The following KCNQ5 variants were observed in gnomAD, a reference collection of about 807,000 sequenced individuals.
KCNQ5 encodes the protein potassium voltage-gated channel subfamily Q member 5.
In KCNQ5, 30 loss-of-function variants were observed where a neutral mutation model predicts 98.2. The observed-to-expected ratio is 0.31, with a 90% CI of 0.23 to 0.41. The LOEUF is 0.41. Ranked by LOEUF, KCNQ5 falls within the 10% of genes least tolerant of loss-of-function variation. The probability of loss-of-function intolerance (pLI) is 1.00; values close to 1 mark genes in which losing one functional copy is unlikely to be tolerated. For synonymous variants in KCNQ5, 458 were observed against 449.4 expected (o/e 1.02, Z -0.24); for missense variants, 835 against 1,182.5 (o/e 0.71, Z 4.31).
intron 3 of KCNQ5, among the ~76,000 whole-genome samples, chr6:73,063,760 TAG>T (rs1202665617): frequency 7.4e-6 from 1 of 134,300 alleles, no homozygotes; most frequent in Non-Finnish European, 1.6e-5. Context: ...GATAGATAGA[TAG>T]ATATAATAGA....
chr6:72,666,899 C>T (rs1291248906), intron 1 of KCNQ5, among the ~76,000 whole-genome samples: 1 of 152,108 alleles, frequency 6.6e-6, no homozygotes, highest in East Asian at 1.9e-4. Context: ...TTATGGTTTC[C>T]ATCTTTTACA....
intron 7 of KCNQ5, among the ~76,000 whole-genome samples, chr6:73,112,380 T>C (rs1457611073): frequency 3.3e-5 from 5 of 151,568 alleles, no homozygotes; most frequent in Non-Finnish European, 5.9e-5. Context: ...GAGTCCCGCT[T>C]TGTCGCCCAG....
chr6:72,836,968 C>T (rs1776532038), intron 1 of KCNQ5, among the ~76,000 whole-genome samples: 1 of 152,074 alleles, frequency 6.6e-6, no homozygotes, highest in African/African-American at 2.4e-5. Context: ...CTCTTTTTAA[C>T]TTAATATATT....
chr6:72,622,625 G>T lies in KCNQ5; in HGVS notation c.398+38G>T. ...GCCCCCTGCTATGCCCGCTGCAGGG[G>T]ACCACTGTCCCTGGCCCCCTGGGGC... On this transcript the variant is annotated intron_variant, in intron 1 of 13. Transcript: ENST00000370398. This position sits in a 1 kb window ranked among gnomAD's most constrained non-coding sequence, Gnocchi z 6.0. 1 of 1,607,738 alleles carries T rather than the reference G, an allele frequency of 6.2e-7. No individual in the cohort carries two copies. The highest frequency in any genetic ancestry group is 2.2e-5 in the East Asian group (1 of 44,500).
chr6:72,853,661 G>A (rs1053685348), intron 1 of KCNQ5, among the ~76,000 whole-genome samples: 1 of 152,186 alleles, frequency 6.6e-6, no homozygotes, highest in African/African-American at 2.4e-5. Context: ...CCTGGCTGAT[G>A]TGCAGCCATG....
intron 10 of KCNQ5, among the ~76,000 whole-genome samples, chr6:73,152,125 A>G (rs1296426919): frequency 6.6e-6 from 1 of 151,986 alleles, no homozygotes; most frequent in African/African-American, 2.4e-5. Flanking sequence ...TACATTCCTG[A>G]GAAGAGTGTC....
chr6:72,699,338 A>G (rs1768678718), intron 1 of KCNQ5, among the ~76,000 whole-genome samples: 1 of 152,228 alleles, frequency 6.6e-6, no homozygotes, highest in Admixed American at 6.5e-5. Context: ...AACAGTGACT[A>G]AAGATGAGAT....
intron 11 of KCNQ5, among the ~76,000 whole-genome samples, chr6:73,174,437 C>T (rs1778137733): frequency 6.6e-6 from 1 of 152,184 alleles, no homozygotes; most frequent in Non-Finnish European, 1.5e-5. Context: ...CTTGCTCTTA[C>T]CGTCTCTTAC....
At chr6:73,087,097 A>T (rs1395092493) in intron 5 of KCNQ5, among the ~76,000 whole-genome samples, 1 of 152,178 alleles carries the variant, frequency 6.6e-6, no homozygotes, top group Non-Finnish European at 1.5e-5. Flanking sequence ...CCATTGAAGG[A>T]TTTTTTAGAT....
intron 1 of KCNQ5, among the ~76,000 whole-genome samples, chr6:72,656,183 C>T (rs1047246727): frequency 6.6e-6 from 1 of 152,168 alleles, no homozygotes; most frequent in African/African-American, 2.4e-5. Flanking sequence ...TTCTACTCTA[C>T]TTGTCCTGGA....
intron 2 of KCNQ5, among the ~76,000 whole-genome samples, chr6:73,026,837 A>G (rs1185271319): frequency 6.6e-6 from 1 of 151,326 alleles, no homozygotes; most frequent in Non-Finnish European, 1.5e-5. Flanking sequence ...TGGATTTTTC[A>G]TTCCAATTTT....
chr6:73,143,749 T>C (rs1776810846), intron 10 of KCNQ5, among the ~76,000 whole-genome samples: 1 of 152,164 alleles, frequency 6.6e-6, no homozygotes, highest in South Asian at 2.1e-4. Flanking sequence ...GAACTTACTG[T>C]TTGTCTGTAA....
chr6:73,051,217 G>A (rs1209490284), intron 3 of KCNQ5, among the ~76,000 whole-genome samples: 1 of 152,110 alleles, frequency 6.6e-6, no homozygotes, highest in Non-Finnish European at 1.5e-5. Flanking sequence ...ACTGCTGCCA[G>A]TGTGAACATA....
At chr6:72,917,092 A>G (rs570063688) in intron 1 of KCNQ5, among the ~76,000 whole-genome samples, 1 of 152,332 alleles carries the variant, frequency 6.6e-6, no homozygotes, top group Admixed American at 6.5e-5. Context: ...AAGAGAGGCC[A>G]GGGAACTGGA....
chr6:72,940,497 C>T (rs186558688), intron 1 of KCNQ5, among the ~76,000 whole-genome samples: 10 of 152,220 alleles, frequency 6.6e-5, no homozygotes, highest in South Asian at 2.1e-4. Context: ...ACTGGTGATG[C>T]GATCACTGGG....
intron 7 of KCNQ5, among the ~76,000 whole-genome samples, chr6:73,119,412 G>A (rs1582392305): frequency 6.6e-6 from 1 of 152,108 alleles, no homozygotes; most frequent in East Asian, 1.9e-4. Context: ...TTGATGGTGA[G>A]GATCACATAA....
intron 1 of KCNQ5, among the ~76,000 whole-genome samples, chr6:72,763,379 C>G (rs778251749): frequency 3.9e-5 from 6 of 151,938 alleles, no homozygotes; most frequent in African/African-American, 4.8e-5. Context: ...GTTCAAGAAC[C>G]TATTTTTCGT....
chr6:73,164,375 C>CA (rs944339302), intron 10 of KCNQ5, among the ~76,000 whole-genome samples: 4 of 151,704 alleles, frequency 2.6e-5, no homozygotes, highest in Admixed American at 6.6e-5. Flanking sequence ...TACACCTACC[C>CA]AAAAAAAAGC....
At chr6:73,189,451 A>C (rs926721683) in intron 11 of KCNQ5, among the ~76,000 whole-genome samples, 2 of 152,212 alleles carry the variant, frequency 1.3e-5, no homozygotes, top group African/African-American at 4.8e-5. Flanking sequence ...ATTCCTTGAA[A>C]TCAGCTGTCA....
Sources: gnomAD v4.1 joint callset for allele counts (sites outside exome capture counted in the v4.1 genomes callset) on GRCh38, gnomAD v4.1.1 for gene constraint, Gnocchi (gnomAD v3.1) non-coding constraint, MANE v1.5 for transcripts, NCBI Gene and HGNC (gene_info 2026-07-23, HGNC 2026-07-21) for gene names.